The following ZNF611 variants were observed in gnomAD, a reference collection of about 807,000 sequenced individuals.
ZNF611 encodes zinc finger protein 611.
A neutral mutation model predicts 8.9 loss-of-function variants in ZNF611; 6 were observed. The observed-to-expected ratio is 0.68, with a 90% CI of 0.37 to 1.34. The LOEUF (loss-of-function observed/expected upper bound fraction) is 1.34. ZNF611 is among the 40% of genes most tolerant of loss of function. ZNF611 has a pLI of 0.02. For synonymous variants in ZNF611, 262 were observed against 279.7 expected (o/e 0.94, Z 0.63); for missense variants, 874 against 841.3 (o/e 1.04, Z -0.48).
At position 52,706,269 on chromosome 19, in the gene ZNF611, A is replaced by G. The variant is rs758025753; in HGVS notation, c.786T>C (p.Asp262=). 64 of 1,614,066 alleles carry G rather than the reference A, an allele frequency of 4.0e-5. No homozygotes were observed. Among genetic ancestry groups the G allele is most frequent in the Non-Finnish European group, 5.3e-5 (63 of 1,180,040 alleles). The change falls in exon 6 of 6, where the codon GAT becomes GAC. Residue 262 remains aspartate (D), a synonymous_variant. Coordinates refer to ENST00000652185, the MANE Select transcript of ZNF611 (RefSeq NM_001161499.2). ...PHLGDKQYKC[D]VCGKLFNHEQ... ...CGTGATTAAAGAGCTTGCCACATAC[A>G]TCACATTTATATTGTTTGTCTCCTA...
At chr19:52,712,637 GAA>G (rs56301635) in intron 5 of ZNF611, among the ~76,000 whole-genome samples, 1 of 138,534 alleles carries the variant, frequency 7.2e-6, no homozygotes. Flanking sequence ...TACTCCGTCT[GAA>G]AAAAAAAAAA....
chr19:52,721,449 C>A (rs78996783), intron 3 of ZNF611, among the ~76,000 whole-genome samples: 1 of 152,114 alleles, frequency 6.6e-6, no homozygotes, highest in Non-Finnish European at 1.5e-5. Context: ...GAGGCCAAGG[C>A]GGGCAAATCA....
intron 3 of ZNF611, chr19:52,724,341 AGCACAGCCT>A (rs971903087): frequency 2.0e-5 from 3 of 152,396 alleles, no homozygotes; most frequent in African/African-American, 7.2e-5. Context: ...ATTTTAACAA[AGCACAGCCT>A]GCACAGCCCT....
In ZNF611 at chr19:52,704,539, T is replaced by A. The variant is rs1466284605; in HGVS notation, c.*398A>T. On this transcript the variant is annotated 3_prime_UTR_variant, in exon 6 of 6. Coordinates refer to ENST00000652185, the MANE Select transcript of ZNF611 (RefSeq NM_001161499.2). The stretch of plus-strand genomic sequence containing the variant: ...ACATTTGTAAGGTTTCTCTCCAGTA[T>A]GAGTTCACCGATGACCTGCAATATG... 3.2e-6 allele frequency: 4 copies of A among 1,258,680 alleles called. No homozygotes were observed. Among genetic ancestry groups the A allele is most frequent in the Admixed American group, 1.8e-5 (1 of 54,998 alleles). 78.0% of individuals were successfully genotyped at this position (1,258,680 alleles called of 1,614,324 possible).
chr19:52,727,870 C>G (rs1042586274), intron 3 of ZNF611, among the ~76,000 whole-genome samples: 1 of 150,958 alleles, frequency 6.6e-6, no homozygotes, highest in African/African-American at 2.4e-5. Context: ...ATTTAATTTC[C>G]TACTGAGACA....
At position 52,705,385 on chromosome 19, in the gene ZNF611, G is replaced by T. The variant is rs1399685748; in HGVS notation, c.1670C>A (p.Thr557Asn). 1.9e-6 allele frequency: 3 copies of T among 1,613,882 alleles called. No individual in the cohort carries two copies. The Admixed American group carries it at 5.0e-5, about 27-fold the overall frequency. ...FACHSYLAKH[T>N]RIHSGEKPYK... ...AGGTTTCTCTCCACTATGAATTCTA[G>T]TATGTTTTGCCAGATAGGAATGACA... is the stretch of plus-strand genomic sequence containing the variant. The change falls in exon 6 of 6, where the codon ACT (threonine) becomes AAT (asparagine). Residue 557 changes from threonine (T) to asparagine (N), a missense_variant. Physicochemically the swap from Thr to Asn is moderately conservative, Grantham distance 65. Transcript: ENST00000652185.
chr19:52,720,015 CT>C (rs1340893090), intron 3 of ZNF611, among the ~76,000 whole-genome samples: 2 of 152,038 alleles, frequency 1.3e-5, no homozygotes, highest in Non-Finnish European at 2.9e-5. Flanking sequence ...CAAAGCACAT[CT>C]TGCACCGCCC....
rs2062246567 is a variant in ZNF611, at chr19:52,706,542, C to G, written c.513G>C (p.Gln171His). 1 of 1,614,024 alleles carries G rather than the reference C, an allele frequency of 6.2e-7. No homozygotes were observed. Among genetic ancestry groups the G allele is most frequent in the African/African-American group, 1.3e-5 (1 of 74,906 alleles). ...GTTGATTACCAATTTCACCTTTGAT[C>G]TGAAATATGTGGAGTTCAGGCAGAT... ...YSHLPELHIFQIKGEIGNQLE... is the reference protein window; with the variant it reads ...YSHLPELHIFHIKGEIGNQLE... The change falls in exon 6 of 6, where the codon CAG becomes CAC. Residue 171 changes from glutamine to histidine, a missense_variant. Coordinates refer to ENST00000652185, the MANE Select transcript of ZNF611 (RefSeq NM_001161499.2).
At chr19:52,726,662 C>T (rs2062395236) in intron 3 of ZNF611, among the ~76,000 whole-genome samples, 1 of 151,752 alleles carries the variant, frequency 6.6e-6, no homozygotes, top group Admixed American at 6.6e-5. Flanking sequence ...CCGTGATCCA[C>T]CTGCCTCAGC....
chr19:52,713,055 G>T (rs2062291342), intron 5 of ZNF611, among the ~76,000 whole-genome samples: 1 of 152,138 alleles, frequency 6.6e-6, no homozygotes, highest in Non-Finnish European at 1.5e-5. Context: ...AATTAGTCGG[G>T]TGTGGTGACA....
intron 3 of ZNF611, among the ~76,000 whole-genome samples, chr19:52,726,902 G>A (rs2062397020): frequency 6.6e-6 from 1 of 151,968 alleles, no homozygotes; most frequent in African/African-American, 2.4e-5. Flanking sequence ...GTATTTCTCT[G>A]TGGCCCGTGC....
In ZNF611 at chr19:52,704,804, G is replaced by C; in HGVS notation, c.*133C>G. On this transcript the variant is annotated 3_prime_UTR_variant, in exon 6 of 6. Coordinates refer to ENST00000652185, the MANE Select transcript of ZNF611 (RefSeq NM_001161499.2). ...TTCTCTCCAGTGTGAAGTCCAGTATGTTGTTCCAGGTGTGAATCACTCCCA... is the reference window on the plus strand; with the variant it reads ...TTCTCTCCAGTGTGAAGTCCAGTATCTTGTTCCAGGTGTGAATCACTCCCA... 1 of 1,595,972 alleles carries C rather than the reference G, an allele frequency of 6.3e-7. No homozygotes were observed. Among genetic ancestry groups the C allele is most frequent in the Non-Finnish European group, 8.6e-7 (1 of 1,164,302 alleles).
rs2062216365 is a variant in ZNF611 at position 52,703,268 on chromosome 19, T to C, written c.*1669A>G. 6.6e-6 allele frequency: 1 copy of C among 152,058 alleles called. No individual in the cohort carries two copies. Among genetic ancestry groups the C allele is most frequent in the East Asian group, 1.9e-4 (1 of 5,196 alleles). 9.4% of individuals were successfully genotyped at this position (152,058 alleles called of 1,614,324 possible). ...CATTATACGAGAAGAAAAGCATTTT[T>C]GAGGTCTTTTTTTGTTATTTTTTGT... On this transcript the variant is annotated 3_prime_UTR_variant, in exon 6 of 6. Coordinates refer to ENST00000652185, the MANE Select transcript of ZNF611 (RefSeq NM_001161499.2).
At chr19:52,712,172 C>T (rs1401773530) in intron 5 of ZNF611, among the ~76,000 whole-genome samples, 2 of 152,188 alleles carry the variant, frequency 1.3e-5, no homozygotes, top group East Asian at 3.9e-4. Context: ...CAGGCATGTA[C>T]TCAACAAAAT....
chr19:52,716,795 G>T (rs1484978669), intron 3 of ZNF611, among the ~76,000 whole-genome samples: 2 of 152,256 alleles, frequency 1.3e-5, no homozygotes, highest in Non-Finnish European at 2.9e-5. Flanking sequence ...AGTGGCTCAG[G>T]ACTGTAATCC....
At chr19:52,721,684 A>C (rs912110307) in intron 3 of ZNF611, among the ~76,000 whole-genome samples, 33 of 150,254 alleles carry the variant, frequency 2.2e-4, no homozygotes, top group African/African-American at 7.7e-4. Context: ...GGGGAAAGGG[A>C]GAGAGGGAGG....
chr19:52,712,831 AT>A (rs1300411200), intron 5 of ZNF611, among the ~76,000 whole-genome samples: 2 of 152,322 alleles, frequency 1.3e-5, no homozygotes, highest in Admixed American at 1.3e-4. Context: ...CCAGATGTCC[AT>A]TGACAGATAA....
chr19:52,725,733 G>A (rs2062387953), intron 3 of ZNF611, among the ~76,000 whole-genome samples: 1 of 152,164 alleles, frequency 6.6e-6, no homozygotes, highest in Non-Finnish European at 1.5e-5. Context: ...CGCCTCGGTA[G>A]GACCTTTACT....
chr19:52,727,515 T>A (rs557841496), intron 3 of ZNF611, among the ~76,000 whole-genome samples: 92 of 152,312 alleles, frequency 6.0e-4, no homozygotes, highest in African/African-American at 2.1e-3. Flanking sequence ...GTCAGCTAAC[T>A]AGCTTCATCC....
Sources: allele counts gnomAD v4.1 joint callset (sites outside exome capture counted in the v4.1 genomes callset), GRCh38; gene constraint gnomAD v4.1.1; transcripts MANE v1.5; gene names NCBI Gene and HGNC (gene_info 2026-07-23, HGNC 2026-07-21).